DOCK1: variants seen among roughly 807,000 people sequenced by gnomAD.
DOCK1 encodes the protein dedicator of cytokinesis 1, also known as dedicator of cytokinesis protein 1.
In DOCK1, 138 loss-of-function variants were observed where a neutral mutation model predicts 262.7. That is an observed-to-expected ratio of 0.53 (90% CI 0.46 to 0.61). The LOEUF is 0.61. Ranked by LOEUF, DOCK1 falls within the 20% of genes least tolerant of loss-of-function variation. The pLI is 0.00. For missense variants in DOCK1, 1,908 were observed against 2,370.7 expected (o/e 0.80, Z 4.05); for synonymous variants, 866 against 867.4 (o/e 1.00, Z 0.03).
chr10:127,142,698 C>G (rs149365573), intron 27 of DOCK1, among the ~76,000 whole-genome samples: 7 of 152,138 alleles, frequency 4.6e-5, no homozygotes, highest in Non-Finnish European at 7.3e-5. Flanking sequence ...GTAGCCCTCT[C>G]GCTGCCTGCA....
intron 29 of DOCK1, among the ~76,000 whole-genome samples, chr10:127,308,575 T>A (rs113052507): frequency 0.038 from 5,758 of 152,226 alleles, 359 homozygotes; most frequent in African/African-American, 0.13. Flanking sequence ...CCTAATGCTC[T>A]CCCTCCCCTT....
chr10:127,442,825 C>G (rs533951508), intron 49 of DOCK1, among the ~76,000 whole-genome samples: 1 of 152,236 alleles, frequency 6.6e-6, no homozygotes, highest in African/African-American at 2.4e-5. Context: ...GATGTTGCCC[C>G]GTGTGTCCTT....
At chr10:126,973,681 T>G (rs369208778) in intron 2 of DOCK1, among the ~76,000 whole-genome samples, 2 of 152,228 alleles carry the variant, frequency 1.3e-5, no homozygotes, top group African/African-American at 4.8e-5. Context: ...TGGAGAAGTA[T>G]TAATAGTTTT....
At chr10:127,370,033 A>G (rs1231060679) in intron 33 of DOCK1, among the ~76,000 whole-genome samples, 1 of 151,976 alleles carries the variant, frequency 6.6e-6, no homozygotes, top group Admixed American at 6.5e-5. Flanking sequence ...TTCCACCCAG[A>G]TACAGTCCAG....
At chr10:127,338,918 T>A in intron 29 of DOCK1, 88 bp from the exon 30 acceptor site, 2 of 1,150,756 alleles carry the variant, frequency 1.7e-6, no homozygotes, top group Admixed American at 4.0e-5. Context: ...TTCCAGACAG[T>A]CTGGGATTGT....
intron 44 of DOCK1, among the ~76,000 whole-genome samples, 183 bp from the exon 45 acceptor site, chr10:127,418,182 T>A (rs2068274122): frequency 6.6e-6 from 1 of 151,096 alleles, no homozygotes; most frequent in Non-Finnish European, 1.5e-5. Flanking sequence ...TTTGTTCCTT[T>A]GGAATTTTCA....
At chr10:127,017,510 GACACAC>G (rs1199136826) in intron 12 of DOCK1, among the ~76,000 whole-genome samples, 1 of 127,168 alleles carries the variant, frequency 7.9e-6, no homozygotes, top group Non-Finnish European at 1.7e-5. Flanking sequence ...GACACACACA[GACACAC>G]ACGTGTACAG....
chr10:127,065,865 T>A (rs962668409), intron 23 of DOCK1, among the ~76,000 whole-genome samples: 8 of 146,684 alleles, frequency 5.5e-5, no homozygotes, highest in African/African-American at 2.0e-4. Context: ...GAAAAAAAAA[T>A]GATAAAAGAA....
Position 127,197,777 on chromosome 10 carries a change from G to A in DOCK1, c.2848-50231G>A, listed in dbSNP as rs543712433. On this transcript the variant is annotated intron_variant, in intron 27 of 51. Transcript: ENST00000623213. ...CCAAGCCATAGCTCCATCCTTGTTC[G>A]CTGAGCTGAACTGAGCCTATCACTG... Among the ~76,000 whole-genome samples the A allele has an allele frequency of 3.9e-5, 6 of 152,236 alleles. No homozygotes were observed. The South Asian group carries it at 8.3e-4, about 21-fold the overall frequency.
At chr10:127,449,044 A>G (rs1228492441) in intron 51 of DOCK1, among the ~76,000 whole-genome samples, 2 of 152,128 alleles carry the variant, frequency 1.3e-5, no homozygotes, top group African/African-American at 4.8e-5. Flanking sequence ...CTGAGACCCA[A>G]GTGCCATTTA....
At chr10:127,323,165 CTGGGTGAGGACCTCG>C (rs1278299364) in intron 29 of DOCK1, among the ~76,000 whole-genome samples, 2 of 152,170 alleles carry the variant, frequency 1.3e-5, no homozygotes, top group African/African-American at 4.8e-5. Flanking sequence ...TCCCTCTCTG[CTGGGTGAGGACCTCG>C]TGGGTGAGGA....
At chr10:127,093,289 C>T (rs1212528329) in intron 23 of DOCK1, among the ~76,000 whole-genome samples, 2 of 123,212 alleles carry the variant, frequency 1.6e-5, no homozygotes, top group East Asian at 2.2e-4. Flanking sequence ...TCTGTCATCC[C>T]GGCTAAAGTG....
chr10:127,408,241 C>CA (rs1308274963), intron 40 of DOCK1, among the ~76,000 whole-genome samples: 1 of 152,172 alleles, frequency 6.6e-6, no homozygotes, highest in Admixed American at 6.5e-5. Context: ...ATAACAACCC[C>CA]AGTGGACTGA....
chr10:127,151,356 G>A lies in DOCK1; in HGVS notation c.2847+23592G>A, dbSNP rs188917599. On this transcript the variant is annotated intron_variant, in intron 27 of 51. Coordinates refer to ENST00000623213, the MANE Select transcript of DOCK1 (RefSeq NM_001290223.2). The stretch of plus-strand genomic sequence containing the variant: ...TTTGGGAGGCAGCAGGAGTCCAGCC[G>A]AAATATTACTCTGCAGACTGTCCTG... Among the ~76,000 whole-genome samples, 15 of 152,218 alleles carry A rather than the reference G, an allele frequency of 9.9e-5. No individual in the cohort carries two copies. In the East Asian group the frequency reaches 1.6e-3, roughly 16 times the overall value.
At chr10:127,076,416 G>A (rs1174548779) in intron 23 of DOCK1, among the ~76,000 whole-genome samples, 3 of 152,170 alleles carry the variant, frequency 2.0e-5, no homozygotes, top group African/African-American at 7.2e-5. Context: ...CAGGAGAATC[G>A]CTTGAACCCG....
intron 18 of DOCK1, among the ~76,000 whole-genome samples, chr10:127,035,157 C>T (rs542040799): frequency 7.9e-5 from 12 of 152,282 alleles, no homozygotes; most frequent in African/African-American, 2.6e-4. Flanking sequence ...CCCCAAATGG[C>T]GTCTAAGCAT....
chr10:127,107,351 G>C (rs1035182234), intron 24 of DOCK1, among the ~76,000 whole-genome samples: 1 of 152,200 alleles, frequency 6.6e-6, no homozygotes, highest in African/African-American at 2.4e-5. Flanking sequence ...TAGGTCACTC[G>C]TGCCCTGGAA....
intron 23 of DOCK1, among the ~76,000 whole-genome samples, chr10:127,076,394 A>G (rs1443298021): frequency 2.8e-4 from 42 of 152,188 alleles, no homozygotes; most frequent in Admixed American, 2.6e-3. Context: ...CCTGCTAATC[A>G]GGAGACTGAG....
chr10:127,317,578 G>T lies in DOCK1; in HGVS notation c.3045-21428G>T, dbSNP rs184528501. Reference sequence around the variant, plus strand: ...ACAGTGTCCGGAGTCAGGAGCTCTGGATTCGAGTGCACATTCACCCATTGA... The same window carrying T: ...ACAGTGTCCGGAGTCAGGAGCTCTGTATTCGAGTGCACATTCACCCATTGA... On this transcript the variant is annotated intron_variant, in intron 29 of 51. Coordinates refer to ENST00000623213, the MANE Select transcript of DOCK1 (RefSeq NM_001290223.2). 6.0e-3 allele frequency among the ~76,000 whole-genome samples: 906 copies of T among 152,248 alleles called. 10 individuals are homozygous for T. The highest frequency in any genetic ancestry group is 8.7e-3 in the Non-Finnish European group (589 of 68,028).
Sources: gnomAD v4.1 joint callset for allele counts (sites outside exome capture counted in the v4.1 genomes callset) on GRCh38, gnomAD v4.1.1 for gene constraint, MANE v1.5 for transcripts, NCBI Gene and HGNC (gene_info 2026-07-23, HGNC 2026-07-21) for gene names.